Variants in INPP5K observed in about 807,000 individuals in gnomAD.
INPP5K encodes inositol polyphosphate-5-phosphatase K.
A neutral mutation model predicts 53.5 loss-of-function variants in INPP5K; 35 were observed. The observed-to-expected ratio is 0.65, with a 90% CI of 0.50 to 0.87. The LOEUF (loss-of-function observed/expected upper bound fraction) is 0.87, where lower values mean the gene tolerates loss of function less well. Among genes scored for constraint, INPP5K ranks in the 40% least tolerant of loss-of-function variants. The pLI is 0.00. For missense variants in INPP5K, 550 were observed against 586.2 expected (o/e 0.94, Z 0.64); for synonymous variants, 253 against 232.8 (o/e 1.09, Z -0.79).
intron 1 of INPP5K, chr17:1,516,254 A>C: frequency 1.2e-6 from 1 of 849,402 alleles, no homozygotes; most frequent in Non-Finnish European, 1.7e-6. Context: ...CCCAGTGGGA[A>C]CGAGCTTGGC....
At chr17:1,509,029 G>C in intron 5 of INPP5K, 149 bp downstream of exon 5, 1 of 688,360 alleles carries the variant, frequency 1.5e-6, no homozygotes, top group Non-Finnish European at 2.4e-6. Context: ...CAGAGGGCGG[G>C]GAACAGTCTG....
Position 1,513,853 on chromosome 17 carries a change from G to A in INPP5K, c.152+19C>T, listed in dbSNP as rs756596108. On this transcript the variant is annotated intron_variant, in intron 2 of 11. Transcript: ENST00000421807. The stretch of plus-strand genomic sequence containing the variant: ...CTGGGACTGGTCAGGGATGGGCGAA[G>A]GAGCCTGCAGATACCTACCCAATAA... 1.7e-5 allele frequency: 27 copies of A among 1,570,222 alleles called. No individual in the cohort carries two copies. The highest frequency in any genetic ancestry group is 1.7e-4 in the Middle Eastern group (1 of 6,006).
Position 1,513,462 on chromosome 17 carries a change from G to A in INPP5K, c.252C>T (p.Ser84=). Residue 84 remains serine, a synonymous_variant, in exon 3 of 12, where the codon AGC becomes AGT. Coordinates refer to ENST00000421807, the MANE Select transcript of INPP5K (RefSeq NM_016532.4). ...SFLMDVLSPL[S]FIKVSHVRMQ... ...TGAACTGGCAAGTTACCTTGATGAAGCTCAGAGGGGAAAGCACATCCATGA... is the reference window on the plus strand; with the variant it reads ...TGAACTGGCAAGTTACCTTGATGAAACTCAGAGGGGAAAGCACATCCATGA... The A allele has an allele frequency of 6.2e-7, 1 of 1,613,850 alleles. No homozygotes were observed. The highest frequency in any genetic ancestry group is 2.2e-5 in the East Asian group (1 of 44,882).
intron 9 of INPP5K, 81 bp from the exon 10 acceptor site, chr17:1,496,483 G>A (rs1479682562): frequency 6.7e-6 from 9 of 1,340,894 alleles, no homozygotes; most frequent in Non-Finnish European, 9.4e-6. Flanking sequence ...TGGTCTCCCT[G>A]CTGGGCCTGG....
chr17:1,504,786 G>A (rs2075114988), intron 7 of INPP5K, among the ~76,000 whole-genome samples: 1 of 152,204 alleles, frequency 6.6e-6, no homozygotes, highest in South Asian at 2.1e-4. Context: ...ATAGGTGCGT[G>A]CCTCCTCCTT....
At chr17:1,497,841 GGACT>G in intron 8 of INPP5K, 91 bp downstream of exon 8, 1 of 1,140,378 alleles carries the variant, frequency 8.8e-7, no homozygotes, top group Non-Finnish European at 1.3e-6. Context: ...CTCCCCTGGG[GGACT>G]GGCTGACATT....
At chr17:1,502,595 C>T (rs894919123) in intron 7 of INPP5K, among the ~76,000 whole-genome samples, 1 of 140,404 alleles carries the variant, frequency 7.1e-6, no homozygotes, top group African/African-American at 2.6e-5. Flanking sequence ...CCAAGATTTA[C>T]TTAGCCCTTC....
rs1035254627 is a variant in INPP5K at position 1,506,586 on chromosome 17, G to A, written c.776+394C>T. Among the ~76,000 whole-genome samples the A allele has an allele frequency of 2.7e-4, 41 of 152,136 alleles. 1 individual carries two copies. Among genetic ancestry groups the A allele is most frequent in the Admixed American group, 2.5e-3 (38 of 15,278 alleles). ...AAGACCTGACCCATTCACAGGCTGG[G>A]GCAGGCGTCCTTAATACCAGTAACT... On this transcript the variant is annotated intron_variant, in intron 7 of 11. Transcript: ENST00000421807.
Position 1,506,983 on chromosome 17 carries a change from G to C in INPP5K, c.773C>G (p.Thr258Ser). The change falls in exon 7 of 12, where the codon ACC becomes AGC. Residue 258 changes from threonine to serine, a missense_variant. Transcript: ENST00000421807. ...KFDRNSNDYD[T>S]SEKKRKPAWT... ...TGGCCCCCCACTCCCTCCTCACCTG[G>C]TGTCATAGTCGTTGGAGTTCCTATC... 1 of 1,611,202 alleles carries C rather than the reference G, an allele frequency of 6.2e-7. No homozygotes were observed. The highest frequency in any genetic ancestry group is 1.1e-5 in the South Asian group (1 of 90,992).
intron 6 of INPP5K, chr17:1,507,426 G>A: frequency 3.5e-6 from 1 of 288,800 alleles, no homozygotes. Context: ...GTTCTCCAAA[G>A]GGGCACCTCA....
At chr17:1,507,854 C>CT (rs2075199488) in intron 6 of INPP5K, 3 of 357,920 alleles carry the variant, frequency 8.4e-6, no homozygotes, top group African/African-American at 4.3e-5. Flanking sequence ...CCCTATTCTT[C>CT]TTTTTTAAAT....
chr17:1,508,460 G>A, intron 5 of INPP5K: 2 of 525,840 alleles, frequency 3.8e-6, no homozygotes, highest in South Asian at 4.2e-5. Context: ...AGAGCAGGCT[G>A]TGGCCCTTCC....
chr17:1,505,704 C>G (rs1031546355), intron 7 of INPP5K, among the ~76,000 whole-genome samples: 1 of 152,184 alleles, frequency 6.6e-6, no homozygotes, highest in Non-Finnish European at 1.5e-5. Flanking sequence ...AGTTCTACCT[C>G]TTGTCTTGGT....
chr17:1,499,974 G>C (rs2150980697), intron 7 of INPP5K, among the ~76,000 whole-genome samples: 1 of 152,228 alleles, frequency 6.6e-6, no homozygotes, highest in Non-Finnish European at 1.5e-5. Flanking sequence ...CCATCGACAG[G>C]GTCTTGCTGT....
chr17:1,502,893 G>GC (rs969730108), intron 7 of INPP5K, among the ~76,000 whole-genome samples: 1 of 147,888 alleles, frequency 6.8e-6, no homozygotes, highest in East Asian at 2.0e-4. Flanking sequence ...ATGCCCAGCT[G>GC]TTTTTTTTTT....
Position 1,507,354 on chromosome 17 carries a change from A to G in INPP5K, c.667-265T>C. 6.1e-6 allele frequency: 3 copies of G among 494,438 alleles called. No homozygotes were observed. In the South Asian group the frequency reaches 8.5e-5, roughly 14 times the overall value. The allele number at this position is 494,438 out of a possible 1,614,324, so 30.6% of individuals were successfully genotyped here. On this transcript the variant is annotated intron_variant, in intron 6 of 11. Transcript: ENST00000421807. ...TTAGACTGCAGGGACCCAACTTGGA[A>G]TTCCATCTCTAGGGGAGATCACTAG... is the stretch of plus-strand genomic sequence containing the variant.
intron 7 of INPP5K, among the ~76,000 whole-genome samples, chr17:1,504,199 T>C (rs2075102202): frequency 6.6e-6 from 1 of 152,152 alleles, no homozygotes; most frequent in South Asian, 2.1e-4. Flanking sequence ...TCGTCTCTGC[T>C]CTCTGGGCAA....
chr17:1,504,137 T>G (rs2075100750), intron 7 of INPP5K, among the ~76,000 whole-genome samples: 1 of 152,204 alleles, frequency 6.6e-6, no homozygotes, highest in Non-Finnish European at 1.5e-5. Context: ...CTCCCAGGCT[T>G]GGTAACATAT....
chr17:1,513,837 G>A, intron 2 of INPP5K, 35 bp downstream of exon 2: 1 of 1,498,870 alleles, frequency 6.7e-7, no homozygotes. Flanking sequence ...CCTGGGACTG[G>A]TCAGGGATGG....
Sources: gnomAD v4.1 joint callset for allele counts (sites outside exome capture counted in the v4.1 genomes callset) on GRCh38, gnomAD v4.1.1 for gene constraint, MANE v1.5 for transcripts, NCBI Gene and HGNC (gene_info 2026-07-23, HGNC 2026-07-21) for gene names.